The following ACACA variants were observed in gnomAD, a reference collection of about 807,000 sequenced individuals.
ACACA encodes the protein acetyl-CoA carboxylase 1.
Under a neutral mutation model 296.1 loss-of-function variants are expected in ACACA, and 103 were observed. That is an observed-to-expected ratio of 0.35 (90% confidence interval 0.30 to 0.41). ACACA has a LOEUF of 0.41. Ranked by LOEUF, ACACA falls within the 10% of genes least tolerant of loss-of-function variation. The pLI is 1.00. For missense variants in ACACA, 1,554 were observed against 2,989.7 expected, an observed-to-expected ratio of 0.52 and a Z score of 11.20; for synonymous variants, 953 against 1,038.6, an observed-to-expected ratio of 0.92 and a Z score of 1.58.
chr17:37,172,104 A>G (rs2076905806), intron 41 of ACACA, among the ~76,000 whole-genome samples: 1 of 152,152 alleles, frequency 6.6e-6, no homozygotes, highest in Admixed American at 6.6e-5. Flanking sequence ...GACATAGGGT[A>G]CTATGTCACA....
At chr17:37,382,695 A>G (rs2050352109) in intron 1 of ACACA, among the ~76,000 whole-genome samples, 1 of 152,184 alleles carries the variant, frequency 6.6e-6, no homozygotes, top group South Asian at 2.1e-4. Context: ...CCTCGTCTCT[A>G]CTAAAAATAC....
intron 41 of ACACA, among the ~76,000 whole-genome samples, chr17:37,174,020 A>T (rs1201072676): frequency 0.21 from 3,607 of 16,786 alleles, 750 homozygotes; most frequent in East Asian, 0.52. Context: ...ATATATATAT[A>T]TTTTTTTTTT....
At chr17:37,193,238 T>C (rs12603098) in intron 36 of ACACA, 136 bp downstream of exon 36, 171,104 of 693,334 alleles carry the variant, frequency 0.25, 24,539 homozygotes, top group African/African-American at 0.48. Context: ...CTAAGACACA[T>C]GTAAGGCAAC....
At chr17:37,104,254 A>T (rs191111073) in intron 52 of ACACA, among the ~76,000 whole-genome samples, 1 of 152,362 alleles carries the variant, frequency 6.6e-6, no homozygotes, top group African/African-American at 2.4e-5. Flanking sequence ...CTCTTAAAAA[A>T]TAAGTCCCCA....
intron 47 of ACACA, among the ~76,000 whole-genome samples, chr17:37,127,595 C>T (rs758026026): frequency 6.6e-6 from 1 of 152,154 alleles, no homozygotes; most frequent in Non-Finnish European, 1.5e-5. Context: ...GGCGCGGTGG[C>T]TCACGCCTAT....
At position 37,207,694 on chromosome 17, in the gene ACACA, C is replaced by T. The variant is rs552644363; in HGVS notation, c.3814G>A (p.Gly1272Arg). The T allele has an allele frequency of 3.8e-5, 61 of 1,614,044 alleles. 1 individual carries two copies. The South Asian group carries it at 5.6e-4, about 15-fold the overall frequency. ...SFTPPCQRMGGMVSFRTFEDF... is the reference protein window; with the variant it reads ...SFTPPCQRMGRMVSFRTFEDF... ...TCAAAAGTCCGAAAAGAGACCATTC[C>T]GCCCATCCGCTGACAAGGTGGAGTG... The change falls in exon 31 of 56, where the codon GGA becomes AGA. Residue 1272 changes from glycine (G) to arginine (R), a missense_variant. Physicochemically the swap from Gly to Arg is moderately radical, Grantham distance 125. Coordinates refer to ENST00000616317, the MANE Select transcript of ACACA (RefSeq NM_198834.3).
chr17:37,143,006 C>T (rs959812069), intron 45 of ACACA, among the ~76,000 whole-genome samples: 1 of 151,818 alleles, frequency 6.6e-6, no homozygotes, highest in Admixed American at 6.6e-5. Flanking sequence ...ATGGCAGTGC[C>T]AATGTTTTAC....
At chr17:37,182,770 T>C (rs1234143199) in intron 39 of ACACA, among the ~76,000 whole-genome samples, 1 of 152,178 alleles carries the variant, frequency 6.6e-6, no homozygotes, top group African/African-American at 2.4e-5. Flanking sequence ...ACCTGATATA[T>C]ATGCACAGGA....
At chr17:37,194,845 G>A (rs890539992) in intron 35 of ACACA, among the ~76,000 whole-genome samples, 6 of 152,032 alleles carry the variant, frequency 3.9e-5, no homozygotes, top group Non-Finnish European at 7.4e-5. Flanking sequence ...ACCAACCTCA[G>A]GGAAATCCTT....
intron 3 of ACACA, among the ~76,000 whole-genome samples, chr17:37,328,296 G>A (rs563929906): frequency 4.1e-4 from 63 of 152,294 alleles, no homozygotes; most frequent in African/African-American, 1.3e-3. Context: ...GCCAGGTGTG[G>A]TGGCTCATGC....
intron 2 of ACACA, among the ~76,000 whole-genome samples, chr17:37,338,894 T>G (rs1287358807): frequency 6.7e-6 from 1 of 148,338 alleles, no homozygotes; most frequent in Admixed American, 6.8e-5. Flanking sequence ...GTGCCGAGAT[T>G]GCGCCACTGC....
intron 45 of ACACA, among the ~76,000 whole-genome samples, chr17:37,147,424 C>T (rs987902311): frequency 2.0e-5 from 3 of 152,036 alleles, no homozygotes; most frequent in African/African-American, 4.8e-5. Context: ...CCAAAGTACA[C>T]AATACAGAGA....
chr17:37,181,981 C>T (rs891594298), intron 39 of ACACA, among the ~76,000 whole-genome samples: 60 of 149,442 alleles, frequency 4.0e-4, no homozygotes, highest in African/African-American at 1.5e-3. Flanking sequence ...GACAGACTGA[C>T]CATGCTAGCC....
chr17:37,207,747 A>G lies in ACACA; in HGVS notation c.3761T>C (p.Val1254Ala). ...NHYGMTHVAS[V>A]SDVLLDNSFT... ...TGAGTTGTCCAACAGTACATCGCTG[A>G]CACTAGCTACATGGGTCATGCCATA... The change falls in exon 31 of 56, where the codon GTC becomes GCC. Residue 1254 changes from valine to alanine, a missense_variant. Val to Ala is a moderately conservative substitution (Grantham distance 64). This residue lies in a region of ACACA where 179 missense variants were observed against 283.2 expected (regional missense o/e 0.63). Coordinates refer to ENST00000616317, the MANE Select transcript of ACACA (RefSeq NM_198834.3). 2 of 1,613,962 alleles carry G rather than the reference A, an allele frequency of 1.2e-6. No individual in the cohort carries two copies. Among genetic ancestry groups the G allele is most frequent in the South Asian group, 2.2e-5 (2 of 91,068 alleles).
intron 3 of ACACA, among the ~76,000 whole-genome samples, chr17:37,315,194 G>A (rs570386554): frequency 1.3e-5 from 2 of 152,132 alleles, no homozygotes; most frequent in East Asian, 1.9e-4. Context: ...CCGACCTTAG[G>A]TGATCCACCC....
In ACACA at chr17:37,185,402, C is replaced by CTTTTTTTTT. The variant is rs67821579; in HGVS notation, c.4776+2866_4776+2874dup. On this transcript the variant is annotated intron_variant, in intron 39 of 55. Transcript: ENST00000616317. ...TGCATGACACCATGCCTGGCTATTT[C>CTTTTTTTTT]TTTTTTTTTTTTTTTTTTTTTTTTT... 2.7e-4 allele frequency among the ~76,000 whole-genome samples: 13 copies of CTTTTTTTTT among 48,436 alleles called. 1 individual carries two copies. Among genetic ancestry groups the CTTTTTTTTT allele is most frequent in the African/African-American group, 7.4e-4 (8 of 10,844 alleles). The allele number at this position is 48,436 out of a possible 152,430, so 31.8% of individuals were successfully genotyped here.
At position 37,388,789 on chromosome 17, in the gene ACACA, T is replaced by C. The variant is rs527957387; in HGVS notation, c.38+17473A>G. On this transcript the variant is annotated intron_variant, in intron 1 of 55. Coordinates refer to ENST00000616317, the MANE Select transcript of ACACA (RefSeq NM_198834.3). Reference sequence around the variant, plus strand: ...AGTATTTGTAATTTTTGAAGTCCCATGTCCTGTAAGTTTGCTGTTGTATTG... The same window carrying C: ...AGTATTTGTAATTTTTGAAGTCCCACGTCCTGTAAGTTTGCTGTTGTATTG... 8.7e-6 allele frequency: 14 copies of C among 1,613,250 alleles called. No individual in the cohort carries two copies. The South Asian group carries it at 8.8e-5, about 10-fold the overall frequency.
Position 37,113,478 on chromosome 17 carries a change from G to A in ACACA, c.6275-213C>T, listed in dbSNP as rs1172393165. Among the ~76,000 whole-genome samples, 1 of 152,186 alleles carries A rather than the reference G, an allele frequency of 6.6e-6. No homozygotes were observed. Among genetic ancestry groups the A allele is most frequent in the Non-Finnish European group, 1.5e-5 (1 of 68,038 alleles). On this transcript the variant is annotated intron_variant, in intron 50 of 55. Transcript: ENST00000616317. The surrounding 1 kb of genome is among the most constrained non-coding windows in gnomAD (Gnocchi z 4.0). ...CAAGACAGCAACAGAGAGATGCACT[G>A]TCTTTCACAAGATACAGTGTGTAAG...
chr17:37,101,333 G>C (rs1242323060), intron 52 of ACACA, among the ~76,000 whole-genome samples: 23 of 152,146 alleles, frequency 1.5e-4, no homozygotes, highest in Admixed American at 1.3e-3. Flanking sequence ...ACTTATTCCT[G>C]GCTATCCAAT....
Sources: allele counts gnomAD v4.1 joint callset (sites outside exome capture counted in the v4.1 genomes callset), GRCh38; gene constraint gnomAD v4.1.1; regional missense constraint gnomAD v4.1.1; non-coding constraint Gnocchi (gnomAD v3.1); transcripts MANE v1.5; gene names NCBI Gene and HGNC (gene_info 2026-07-23, HGNC 2026-07-21).